MSH3: variants seen among roughly 807,000 people sequenced by gnomAD.
MSH3 encodes the protein DNA mismatch repair protein Msh3.
MSH3 carries 106 observed loss-of-function variants against 123.3 expected under a neutral mutation model. The observed-to-expected ratio is 0.86, with a 90% CI of 0.73 to 1.01. The LOEUF (loss-of-function observed/expected upper bound fraction) is 1.01. Among genes scored for constraint, MSH3 ranks in the 50% least tolerant of loss-of-function variants. MSH3 has a pLI of 0.00. For synonymous variants in MSH3, 515 were observed against 481.4 expected (o/e 1.07, Z -0.91); for missense variants, 1,459 against 1,347.6 (o/e 1.08, Z -1.29).
At chr5:80,722,207 T>A (rs2112852861) in intron 8 of MSH3, among the ~76,000 whole-genome samples, 1 of 152,286 alleles carries the variant, frequency 6.6e-6, no homozygotes, top group East Asian at 1.9e-4. Context: ...GGAAGGAAAA[T>A]CATAAAAATA....
chr5:80,787,588 C>T lies in MSH3; in HGVS notation c.2459C>T (p.Ser820Phe). The change falls in exon 18 of 24, where the codon TCC (serine) becomes TTC (phenylalanine). Residue 820 changes from serine to phenylalanine, a missense_variant. Ser to Phe is a radical substitution (Grantham distance 155). Coordinates refer to ENST00000265081, the MANE Select transcript of MSH3 (RefSeq NM_002439.5). ...AGGAAATTCAGTGAACATTATCACT[C>T]CTTGTGTAAAGCAGTGCATCACCTA... ...FLEKFSEHYH[S>F]LCKAVHHLAT... 2 of 1,613,480 alleles carry T rather than the reference C, an allele frequency of 1.2e-6. No individual in the cohort carries two copies. The highest frequency in any genetic ancestry group is 1.7e-6 in the Non-Finnish European group (2 of 1,179,508).
chr5:80,853,942 G>A (rs1580091275), intron 20 of MSH3, among the ~76,000 whole-genome samples, 188 bp from the exon 21 acceptor site: 1 of 152,160 alleles, frequency 6.6e-6, no homozygotes, highest in South Asian at 2.1e-4. Context: ...TTCCTACAAA[G>A]TACAGTATGA....
At chr5:80,759,538 T>G (rs1215308960) in intron 12 of MSH3, among the ~76,000 whole-genome samples, 1 of 152,182 alleles carries the variant, frequency 6.6e-6, no homozygotes, top group Non-Finnish European at 1.5e-5. Context: ...ACACATGATC[T>G]CAGGGGAGAC....
intron 20 of MSH3, among the ~76,000 whole-genome samples, chr5:80,835,907 T>C (rs1745499957): frequency 1.3e-5 from 2 of 151,238 alleles, no homozygotes; most frequent in South Asian, 4.2e-4. Flanking sequence ...AGAGAGACTG[T>C]CTCAAAAAAA....
At chr5:80,840,706 A>G (rs1745605815) in intron 20 of MSH3, among the ~76,000 whole-genome samples, 1 of 151,428 alleles carries the variant, frequency 6.6e-6, no homozygotes, top group Non-Finnish European at 1.5e-5. Context: ...TCAACTCGTC[A>G]TTTACGTTAG....
chr5:80,660,313 C>T (rs1749404683), intron 2 of MSH3, among the ~76,000 whole-genome samples: 1 of 151,918 alleles, frequency 6.6e-6, no homozygotes, highest in African/African-American at 2.4e-5. Context: ...AAGGTGGGAA[C>T]CCCTGATAAA....
intron 2 of MSH3, among the ~76,000 whole-genome samples, chr5:80,663,149 G>A (rs1022769138): frequency 2.0e-5 from 3 of 152,180 alleles, no homozygotes; most frequent in African/African-American, 7.2e-5. Flanking sequence ...GAGGTGGGAG[G>A]ATCTCTTGAG....
intron 21 of MSH3, among the ~76,000 whole-genome samples, chr5:80,856,118 C>T (rs2112108944): frequency 6.6e-6 from 1 of 152,120 alleles, no homozygotes; most frequent in East Asian, 1.9e-4. Context: ...CTTTCAGGCT[C>T]CAGTGATCCA....
chr5:80,707,000 G>A (rs978874412), intron 8 of MSH3, among the ~76,000 whole-genome samples: 2 of 152,020 alleles, frequency 1.3e-5, no homozygotes, highest in Admixed American at 1.3e-4. Flanking sequence ...TTCCCAAAAC[G>A]TTCTCTTTGC....
chr5:80,724,726 A>C (rs1743229974), intron 8 of MSH3, among the ~76,000 whole-genome samples: 1 of 152,218 alleles, frequency 6.6e-6, no homozygotes, highest in Non-Finnish European at 1.5e-5. Context: ...CCTCAAAGAA[A>C]GAGTTACTCA....
At chr5:80,704,435 G>A (rs998560871) in intron 8 of MSH3, among the ~76,000 whole-genome samples, 2 of 152,212 alleles carry the variant, frequency 1.3e-5, no homozygotes, top group Non-Finnish European at 2.9e-5. Flanking sequence ...CCTGGTTGGT[G>A]CTGCTTGCCC....
intron 8 of MSH3, among the ~76,000 whole-genome samples, chr5:80,686,365 T>C (rs1750091647): frequency 6.6e-6 from 1 of 150,982 alleles, no homozygotes; most frequent in Non-Finnish European, 1.5e-5. Flanking sequence ...TGCAGTGGCA[T>C]GATCTCAGTA....
At chr5:80,861,613 G>T (rs756979903) in intron 21 of MSH3, among the ~76,000 whole-genome samples, 3 of 152,164 alleles carry the variant, frequency 2.0e-5, no homozygotes, top group African/African-American at 7.2e-5. Flanking sequence ...TTACTCCAGT[G>T]TTTATTGTGA....
At chr5:80,671,133 A>G in intron 4 of MSH3, among the ~76,000 whole-genome samples, 1 of 152,122 alleles carries the variant, frequency 6.6e-6, no homozygotes, top group East Asian at 1.9e-4. Context: ...AAAAAAAAAA[A>G]AAAATTGGGA....
intron 8 of MSH3, among the ~76,000 whole-genome samples, chr5:80,692,528 A>T (rs1474319122): frequency 2.3e-5 from 2 of 85,312 alleles, no homozygotes; most frequent in African/African-American, 9.5e-5. Context: ...GTTTAGATAG[A>T]TAAACATGTA....
At chr5:80,869,375 A>G (rs1483471585) in intron 22 of MSH3, among the ~76,000 whole-genome samples, 1 of 152,156 alleles carries the variant, frequency 6.6e-6, no homozygotes, top group East Asian at 1.9e-4. Flanking sequence ...TTACATCCTC[A>G]TCAAGAACTT....
intron 13 of MSH3, among the ~76,000 whole-genome samples, chr5:80,765,975 A>G (rs1257106853): frequency 6.6e-6 from 1 of 152,162 alleles, no homozygotes; most frequent in Non-Finnish European, 1.5e-5. Context: ...TGACTTCATT[A>G]TCTTTACTTC....
chr5:80,750,313 A>G (rs971347136), intron 12 of MSH3, among the ~76,000 whole-genome samples: 7 of 152,160 alleles, frequency 4.6e-5, no homozygotes, highest in African/African-American at 1.7e-4. Context: ...AGGAACTAGC[A>G]TACTGTTTTA....
At chr5:80,755,256 A>G (rs528138012) in intron 12 of MSH3, among the ~76,000 whole-genome samples, 1 of 150,272 alleles carries the variant, frequency 6.7e-6, no homozygotes, top group South Asian at 2.1e-4. Context: ...GTGCATAGGG[A>G]TTAACTAACA....
Sources: gnomAD v4.1 joint callset for allele counts (sites outside exome capture counted in the v4.1 genomes callset) on GRCh38, gnomAD v4.1.1 for gene constraint, MANE v1.5 for transcripts, NCBI Gene and HGNC (gene_info 2026-07-23, HGNC 2026-07-21) for gene names.